The following CCSER1 variants were observed in gnomAD, a reference collection of about 807,000 sequenced individuals.
The protein encoded by CCSER1 is coiled-coil serine rich protein 1.
A neutral mutation model predicts 82.0 loss-of-function variants in CCSER1; 41 were observed. The ratio of observed to expected loss-of-function variants is 0.50; its 90% confidence interval spans 0.39 to 0.65. The LOEUF is 0.65. Ranked by LOEUF, CCSER1 falls within the 30% of genes least tolerant of loss-of-function variation. The probability of loss-of-function intolerance (pLI) is 0.00; values close to 1 mark genes in which losing one functional copy is unlikely to be tolerated. For synonymous variants in CCSER1, 414 were observed against 383.9 expected (o/e 1.08, Z -0.92); for missense variants, 1,119 against 1,064.2 (o/e 1.05, Z -0.72).
At chr4:91,081,773 A>G (rs1484262037) in intron 9 of CCSER1, among the ~76,000 whole-genome samples, 1 of 150,384 alleles carries the variant, frequency 6.6e-6, no homozygotes, top group African/African-American at 2.5e-5. Context: ...CCAATAACAG[A>G]CAAACAGAGT....
intron 10 of CCSER1, among the ~76,000 whole-genome samples, chr4:91,225,738 A>T (rs904577388): frequency 3.4e-4 from 52 of 151,742 alleles, no homozygotes; most frequent in African/African-American, 1.2e-3. Context: ...CTTTATCCTC[A>T]GAGTTTGGTT....
intron 8 of CCSER1, among the ~76,000 whole-genome samples, chr4:90,860,737 G>A (rs748170745): frequency 2.6e-5 from 4 of 151,584 alleles, no homozygotes; most frequent in South Asian, 4.1e-4. Context: ...TTGAAAATAC[G>A]CAAAGTCAAA....
chr4:91,376,389 G>A (rs991092426), intron 10 of CCSER1, among the ~76,000 whole-genome samples: 2 of 152,060 alleles, frequency 1.3e-5, no homozygotes, highest in African/African-American at 4.8e-5. Flanking sequence ...TAACACAATG[G>A]GAAGTATTCG....
chr4:91,550,289 G>A (rs1394543634), intron 10 of CCSER1, among the ~76,000 whole-genome samples: 1 of 152,126 alleles, frequency 6.6e-6, no homozygotes, highest in East Asian at 1.9e-4. Flanking sequence ...ACACAAAATT[G>A]TGGCACCGTA....
intron 9 of CCSER1, among the ~76,000 whole-genome samples, chr4:90,934,878 C>A (rs1730730999): frequency 6.6e-6 from 1 of 152,016 alleles, no homozygotes; most frequent in African/African-American, 2.4e-5. Context: ...TTGCAGTGAG[C>A]CTAGATTGTG....
intron 10 of CCSER1, among the ~76,000 whole-genome samples, chr4:91,128,142 A>G (rs1727674056): frequency 6.6e-6 from 1 of 151,938 alleles, no homozygotes; most frequent in Non-Finnish European, 1.5e-5. Context: ...TCTCATTGTT[A>G]CTTTCCACTT....
At chr4:90,211,236 A>C (rs1164680221) in intron 1 of CCSER1, among the ~76,000 whole-genome samples, 1 of 152,212 alleles carries the variant, frequency 6.6e-6, no homozygotes, top group African/African-American at 2.4e-5. Context: ...TCAATTCTCA[A>C]CTTTAAGAAC....
At chr4:90,740,498 T>A (rs1465259885) in intron 7 of CCSER1, among the ~76,000 whole-genome samples, 1 of 152,174 alleles carries the variant, frequency 6.6e-6, no homozygotes, top group Non-Finnish European at 1.5e-5. Flanking sequence ...ATAGTAGACC[T>A]CTGGGAAAAA....
At chr4:91,046,567 C>G (rs1349897684) in intron 9 of CCSER1, among the ~76,000 whole-genome samples, 2 of 152,170 alleles carry the variant, frequency 1.3e-5, no homozygotes, top group African/African-American at 4.8e-5. Flanking sequence ...TGAACTCACA[C>G]AAGAAAGGTT....
chr4:90,440,466 A>T (rs1456908813), intron 4 of CCSER1, among the ~76,000 whole-genome samples: 1 of 152,226 alleles, frequency 6.6e-6, no homozygotes, highest in Non-Finnish European at 1.5e-5. Flanking sequence ...CAGGGAGGTA[A>T]AGAAAGGCAA....
rs569054773 is a variant in CCSER1, at chr4:91,404,371, G to A, written c.2218-194201G>A. Reference sequence around the variant, plus strand: ...ATCCTGGATTCCTTGATTTCTTGAAGGGTTTTTTTCTGTCTCTGTCTCCTC... The same window carrying A: ...ATCCTGGATTCCTTGATTTCTTGAAAGGTTTTTTTCTGTCTCTGTCTCCTC... On this transcript the variant is annotated intron_variant, in intron 10 of 10. Coordinates refer to ENST00000509176, the MANE Select transcript of CCSER1 (RefSeq NM_001145065.2). 9.2e-5 allele frequency among the ~76,000 whole-genome samples: 14 copies of A among 152,132 alleles called. No homozygotes were observed. In the Middle Eastern group the frequency reaches 0.01, roughly 111 times the overall value.
intron 5 of CCSER1, among the ~76,000 whole-genome samples, chr4:90,607,942 AAGCATAC>A (rs1439253068): frequency 6.6e-6 from 1 of 152,158 alleles, no homozygotes; most frequent in Non-Finnish European, 1.5e-5. Flanking sequence ...AATAACACAT[AAGCATAC>A]TGGAGTAAAA....
chr4:91,588,840 TTAA>T (rs1764133549), intron 10 of CCSER1, among the ~76,000 whole-genome samples: 2 of 151,956 alleles, frequency 1.3e-5, no homozygotes, highest in Admixed American at 6.6e-5. Flanking sequence ...ATGTCAATTA[TTAA>T]ATCAATTATT....
chr4:90,849,430 G>A (rs1580766442), intron 8 of CCSER1, among the ~76,000 whole-genome samples: 1 of 152,130 alleles, frequency 6.6e-6, no homozygotes, highest in Non-Finnish European at 1.5e-5. Flanking sequence ...TTTCTAAGCA[G>A]TAAAGCTTTC....
chr4:90,905,383 CAT>C lies in CCSER1; in HGVS notation c.2095-17982_2095-17981del, dbSNP rs1491271058. On this transcript the variant is annotated intron_variant, in intron 8 of 10. Coordinates refer to ENST00000509176, the MANE Select transcript of CCSER1 (RefSeq NM_001145065.2). Reference sequence around the variant, plus strand: ...CCACACACACACACACACACACACACATATATTAGTTTCTTAAGAAAAAATGC... The same window carrying C: ...CCACACACACACACACACACACACACATATTAGTTTCTTAAGAAAAAATGC... Among the ~76,000 whole-genome samples the C allele has an allele frequency of 7.1e-5, 10 of 141,192 alleles. No individual in the cohort carries two copies. In the East Asian group the frequency reaches 1.3e-3, roughly 18 times the overall value. 92.6% of individuals were successfully genotyped at this position (141,192 alleles called of 152,430 possible).
At chr4:91,534,093 T>G (rs1362672983) in intron 10 of CCSER1, among the ~76,000 whole-genome samples, 2 of 152,096 alleles carry the variant, frequency 1.3e-5, no homozygotes, top group East Asian at 3.9e-4. Flanking sequence ...TTTGTGAGGC[T>G]AATATTCCAT....
At chr4:91,297,741 A>G (rs1336965463) in intron 10 of CCSER1, among the ~76,000 whole-genome samples, 1 of 151,996 alleles carries the variant, frequency 6.6e-6, no homozygotes, top group Non-Finnish European at 1.5e-5. Context: ...AGAAATAAGG[A>G]CAGTATGTAA....
Position 90,393,929 on chromosome 4 carries a change from C to T in CCSER1, c.1510-6107C>T, listed in dbSNP as rs1399791940. On this transcript the variant is annotated intron_variant, in intron 3 of 10. Coordinates refer to ENST00000509176, the MANE Select transcript of CCSER1 (RefSeq NM_001145065.2). ...GCGTAGCTGGACTGTAGGCATGCACCACCATACTTGGCTAATTAAAAAAAA... is the reference window on the plus strand; with the variant it reads ...GCGTAGCTGGACTGTAGGCATGCACTACCATACTTGGCTAATTAAAAAAAA... Among the ~76,000 whole-genome samples, 7 of 151,172 alleles carry T rather than the reference C, an allele frequency of 4.6e-5. No individual in the cohort carries two copies. In the East Asian group the frequency reaches 1.4e-3, roughly 30 times the overall value.
In CCSER1 at chr4:91,467,207, C is replaced by A. The variant is rs532219780; in HGVS notation, c.2218-131365C>A. On this transcript the variant is annotated intron_variant, in intron 10 of 10. Transcript: ENST00000509176. ...AGCCCTCAGAAATAATACCACACAT[C>A]TACAACCATCTTTGACAAACCTGAC... is the stretch of plus-strand genomic sequence containing the variant. Among the ~76,000 whole-genome samples, 8 of 151,932 alleles carry A rather than the reference C, an allele frequency of 5.3e-5. No individual in the cohort carries two copies. The East Asian group carries it at 1.6e-3, about 29-fold the overall frequency.
Sources: gnomAD v4.1 joint callset for allele counts (sites outside exome capture counted in the v4.1 genomes callset) on GRCh38, gnomAD v4.1.1 for gene constraint, MANE v1.5 for transcripts, NCBI Gene and HGNC (gene_info 2026-07-23, HGNC 2026-07-21) for gene names.